The following TNFRSF8 variants were observed in gnomAD, a reference collection of about 807,000 sequenced individuals.
TNFRSF8 encodes the protein TNF receptor superfamily member 8, also known as tumor necrosis factor receptor superfamily member 8.
In TNFRSF8, 26 loss-of-function variants were observed where a neutral mutation model predicts 70.8. The ratio of observed to expected loss-of-function variants is 0.37; its 90% CI spans 0.27 to 0.51. The LOEUF (loss-of-function observed/expected upper bound fraction) is 0.51, where lower values mean the gene tolerates loss of function less well. Among genes scored for constraint, TNFRSF8 ranks in the 20% least tolerant of loss-of-function variants. The probability of loss-of-function intolerance (pLI) is 0.94; values close to 1 mark genes in which losing one functional copy is unlikely to be tolerated. For synonymous variants in TNFRSF8, 356 were observed against 339.2 expected, an observed-to-expected ratio of 1.05 and a Z score of -0.54; for missense variants, 720 against 807.9, an observed-to-expected ratio of 0.89 and a Z score of 1.32.
intron 8 of TNFRSF8, among the ~76,000 whole-genome samples, chr1:12,121,885 G>A (rs773551741): frequency 3.9e-5 from 6 of 152,240 alleles, no homozygotes; most frequent in African/African-American, 7.2e-5. Flanking sequence ...ACAACAGAAC[G>A]CCATTTGGCA....
At chr1:12,090,433 C>T (rs1404053885) in intron 2 of TNFRSF8, among the ~76,000 whole-genome samples, 1 of 151,508 alleles carries the variant, frequency 6.6e-6, no homozygotes, top group African/African-American at 2.4e-5. Context: ...ACCCATCCAC[C>T]CTTCCCCCAT....
chr1:12,135,331 A>AAG (rs386366243), intron 12 of TNFRSF8, among the ~76,000 whole-genome samples: 2 of 150,754 alleles, frequency 1.3e-5, no homozygotes, highest in East Asian at 3.9e-4. Flanking sequence ...AAAAAAAAAA[A>AAG]AAGGAATGAG....
At chr1:12,074,928 A>G (rs1019172162) in intron 1 of TNFRSF8, among the ~76,000 whole-genome samples, 6 of 152,072 alleles carry the variant, frequency 3.9e-5, no homozygotes, top group Non-Finnish European at 8.8e-5. Flanking sequence ...AGCTGGGACT[A>G]CAGGCACATG....
chr1:12,091,306 T>C (rs1458641932), intron 2 of TNFRSF8, among the ~76,000 whole-genome samples: 2 of 152,194 alleles, frequency 1.3e-5, no homozygotes, highest in Non-Finnish European at 2.9e-5. Context: ...GGAAGGCAGC[T>C]TATAAAGTTG....
rs1315081713 is a variant in TNFRSF8, at chr1:12,113,726, T to A, written c.793+1712T>A. 6.0e-5 allele frequency among the ~76,000 whole-genome samples: 8 copies of A among 133,406 alleles called. No individual in the cohort carries two copies. Among genetic ancestry groups the A allele is most frequent in the South Asian group, 4.9e-4 (2 of 4,066 alleles). The allele number at this position is 133,406 out of a possible 152,430, so 87.5% of individuals were successfully genotyped here. On this transcript the variant is annotated intron_variant, in intron 7 of 14. Coordinates refer to ENST00000263932, the MANE Select transcript of TNFRSF8 (RefSeq NM_001243.5). This position sits in a 1 kb window ranked among gnomAD's most constrained non-coding sequence, Gnocchi z 4.9. Reference sequence around the variant, plus strand: ...GAGACAGAGAGAGACAGAGATAGAGTGTGACAGAGAGAAAGACAGAGAAAG... The same window carrying A: ...GAGACAGAGAGAGACAGAGATAGAGAGTGACAGAGAGAAAGACAGAGAAAG...
At chr1:12,080,524 G>T in intron 1 of TNFRSF8, 1 of 467,842 alleles carries the variant, frequency 2.1e-6, no homozygotes, top group Non-Finnish European at 4.1e-6. Flanking sequence ...TCCTGGGAAC[G>T]CTCTTTCGAG....
rs763878547 is a variant in TNFRSF8, at chr1:12,115,561, C to T, written c.794-16C>T. 1 of 1,614,210 alleles carries T rather than the reference C, an allele frequency of 6.2e-7. No homozygotes were observed. The highest frequency in any genetic ancestry group is 8.5e-7 in the Non-Finnish European group (1 of 1,180,024). ...CATACTGATCTTTCTCCGTGATCCT[C>T]ATCTGTGTCCCTTAGATGACCTTGT... On this transcript the variant is annotated splice_polypyrimidine_tract_variant and intron_variant, in intron 7 of 14. Transcript: ENST00000263932.
chr1:12,132,780 T>C (rs904340412), intron 12 of TNFRSF8, among the ~76,000 whole-genome samples: 26 of 144,352 alleles, frequency 1.8e-4, no homozygotes, highest in Non-Finnish European at 3.4e-4. Context: ...AGAGGTTGCA[T>C]TGAGCTGAGA....
chr1:12,102,322 G>C (rs931080108), intron 3 of TNFRSF8, among the ~76,000 whole-genome samples: 1 of 152,142 alleles, frequency 6.6e-6, no homozygotes, highest in Non-Finnish European at 1.5e-5. Context: ...TGAGTGATGA[G>C]GAGCTATCCA....
At chr1:12,125,642 C>T (rs11569910) in intron 10 of TNFRSF8, among the ~76,000 whole-genome samples, 11 of 152,338 alleles carry the variant, frequency 7.2e-5, no homozygotes, top group Non-Finnish European at 1.2e-4. Context: ...CCGGTCACAC[C>T]GGGCCCTCGT....
chr1:12,115,977 C>T (rs956439122), intron 8 of TNFRSF8, among the ~76,000 whole-genome samples: 1 of 152,116 alleles, frequency 6.6e-6, no homozygotes, highest in Non-Finnish European at 1.5e-5. Flanking sequence ...AATTATTGGG[C>T]TGGTAAAATC....
intron 8 of TNFRSF8, among the ~76,000 whole-genome samples, chr1:12,118,111 C>A (rs535965619): frequency 1.8e-3 from 272 of 152,066 alleles, no homozygotes; most frequent in African/African-American, 5.9e-3. Flanking sequence ...AACCCTCCCC[C>A]CCCACCCTTT....
intron 3 of TNFRSF8, among the ~76,000 whole-genome samples, chr1:12,097,885 A>G (rs188338779): frequency 1.3e-5 from 2 of 152,294 alleles, no homozygotes; most frequent in East Asian, 3.9e-4. Flanking sequence ...AGTTCTCTAC[A>G]TATCTATTAA....
intron 1 of TNFRSF8, among the ~76,000 whole-genome samples, chr1:12,073,264 AAAAC>A (rs199884434): frequency 1.3e-5 from 2 of 152,148 alleles, no homozygotes; most frequent in Non-Finnish European, 1.5e-5. Flanking sequence ...CCCTGTCTTA[AAAAC>A]AAACAAACAG....
chr1:12,089,248 G>C (rs563718932), intron 2 of TNFRSF8, among the ~76,000 whole-genome samples: 3 of 152,092 alleles, frequency 2.0e-5, no homozygotes, highest in Non-Finnish European at 4.4e-5. Context: ...CTTGTCTATC[G>C]TCTTCCTGCA....
At chr1:12,074,875 A>C (rs1640911444) in intron 1 of TNFRSF8, among the ~76,000 whole-genome samples, 1 of 151,686 alleles carries the variant, frequency 6.6e-6, no homozygotes, top group Admixed American at 6.6e-5. Context: ...TGTAACCTCG[A>C]ATTCTTGGGC....
chr1:12,129,961 G>A lies in TNFRSF8; in HGVS notation c.1309+3725G>A, dbSNP rs562830334. 2.9e-4 allele frequency among the ~76,000 whole-genome samples: 44 copies of A among 152,300 alleles called. 2 individuals carry two copies. The South Asian group carries it at 9.1e-3, about 32-fold the overall frequency. On this transcript the variant is annotated intron_variant, in intron 12 of 14. Coordinates refer to ENST00000263932, the MANE Select transcript of TNFRSF8 (RefSeq NM_001243.5). ...GCTCTGTCACCCAGGCTGGAGTGCA[G>A]TAGTGTGATCTCGGCTTACTGCAAC...
chr1:12,121,215 A>G (rs1436827895), intron 8 of TNFRSF8, among the ~76,000 whole-genome samples: 2 of 152,252 alleles, frequency 1.3e-5, no homozygotes, highest in Non-Finnish European at 2.9e-5. Flanking sequence ...TCCAGGCTCC[A>G]GCTAATTCAG....
chr1:12,064,704 A>G (rs1569967197), intron 1 of TNFRSF8, among the ~76,000 whole-genome samples: 1 of 151,994 alleles, frequency 6.6e-6, no homozygotes, highest in Non-Finnish European at 1.5e-5. Flanking sequence ...AGGAGGGAGG[A>G]ACTATGCAGC....
Sources: gnomAD v4.1 joint callset for allele counts (sites outside exome capture counted in the v4.1 genomes callset) on GRCh38, gnomAD v4.1.1 for gene constraint, Gnocchi (gnomAD v3.1) non-coding constraint, MANE v1.5 for transcripts, NCBI Gene and HGNC (gene_info 2026-07-23, HGNC 2026-07-21) for gene names.